The following DLGAP2 variants were observed in gnomAD, a reference collection of about 807,000 sequenced individuals.
DLGAP2 encodes DLG associated protein 2, also known as disks large-associated protein 2.
Under a neutral mutation model 100.3 loss-of-function variants are expected in DLGAP2, and 26 were observed. The ratio of observed to expected loss-of-function variants is 0.26; its 90% CI spans 0.19 to 0.36. DLGAP2 has a LOEUF of 0.36. Ranked by LOEUF, DLGAP2 falls within the 10% of genes least tolerant of loss-of-function variation. The probability of loss-of-function intolerance (pLI) is 1.00; values close to 1 mark genes in which losing one functional copy is unlikely to be tolerated. For missense variants in DLGAP2, 1,858 were observed against 1,453.2 expected, an observed-to-expected ratio of 1.28 and a Z score of -4.53; for synonymous variants, 886 against 630.1, an observed-to-expected ratio of 1.41 and a Z score of -6.08.
chr8:1,707,274 T>G lies in DLGAP2; in HGVS notation c.*5868T>G, dbSNP rs1202035649. ...TGACACCAGGTTTCTTGGACAAATT[T>G]AAGTTCAAATTTATCTCTTTCAAGT... is the stretch of plus-strand genomic sequence containing the variant. On this transcript the variant is annotated 3_prime_UTR_variant, in exon 15 of 15. Coordinates refer to ENST00000637795, the MANE Select transcript of DLGAP2 (RefSeq NM_001346810.2). The G allele has an allele frequency of 6.5e-6, 1 of 152,690 alleles. No individual in the cohort carries two copies. Among genetic ancestry groups the G allele is most frequent in the South Asian group, 2.1e-4 (1 of 4,828 alleles). 9.5% of individuals were successfully genotyped at this position (152,690 alleles called of 1,614,324 possible). A position where few individuals can be genotyped will look rare whatever the true frequency, so the allele number is the denominator to read the frequency against.
intron 4 of DLGAP2, among the ~76,000 whole-genome samples, chr8:1,501,943 A>G (rs1197334511): frequency 6.6e-6 from 1 of 152,132 alleles, no homozygotes; most frequent in African/African-American, 2.4e-5. Flanking sequence ...TGGAAATTTC[A>G]TTTCTGAGCT....
intron 1 of DLGAP2, among the ~76,000 whole-genome samples, chr8:899,019 G>A (rs565649002): frequency 2.0e-5 from 3 of 152,198 alleles, no homozygotes; most frequent in Admixed American, 1.3e-4. Flanking sequence ...CCCCCCAGGC[G>A]GTTCTGACGC....
intron 1 of DLGAP2, among the ~76,000 whole-genome samples, chr8:771,560 C>T (rs979794139): frequency 1.3e-5 from 2 of 152,192 alleles, no homozygotes; most frequent in African/African-American, 2.4e-5. Context: ...GCCAGGGCAA[C>T]TTTCAGTTCC....
At chr8:1,372,802 A>C (rs1563111803) in intron 3 of DLGAP2, among the ~76,000 whole-genome samples, 3 of 152,204 alleles carry the variant, frequency 2.0e-5, no homozygotes. Flanking sequence ...TATTTTCCCA[A>C]GCGAACATGG....
intron 2 of DLGAP2, among the ~76,000 whole-genome samples, chr8:926,423 G>A (rs1037065939): frequency 3.3e-5 from 5 of 152,300 alleles, no homozygotes; most frequent in African/African-American, 1.2e-4. Flanking sequence ...CCTCCAGGTC[G>A]GGGGTCTGTG....
intron 3 of DLGAP2, among the ~76,000 whole-genome samples, chr8:1,329,072 G>T (rs896850174): frequency 1.3e-5 from 2 of 151,300 alleles, no homozygotes; most frequent in Non-Finnish European, 2.9e-5. Context: ...TGCGACAGGC[G>T]ACAGGTGACA....
chr8:1,329,290 C>A (rs574748799), intron 3 of DLGAP2, among the ~76,000 whole-genome samples: 1 of 152,192 alleles, frequency 6.6e-6, no homozygotes, highest in African/African-American at 2.4e-5. Flanking sequence ...AGTAATCGCA[C>A]AAGTGCACCA....
intron 3 of DLGAP2, among the ~76,000 whole-genome samples, chr8:1,417,259 A>G (rs1362600699): frequency 6.8e-6 from 1 of 146,690 alleles, no homozygotes; most frequent in African/African-American, 2.6e-5. Flanking sequence ...ACCGGCATTC[A>G]TTTAGCGTCT....
chr8:1,133,416 AG>A (rs1447890655), intron 2 of DLGAP2, among the ~76,000 whole-genome samples: 1 of 152,196 alleles, frequency 6.6e-6, no homozygotes, highest in African/African-American at 2.4e-5. Context: ...AGGAGTCATG[AG>A]AAATATATAT....
chr8:1,660,671 G>T (rs1798389436), intron 8 of DLGAP2, among the ~76,000 whole-genome samples: 2 of 152,134 alleles, frequency 1.3e-5, no homozygotes, highest in Admixed American at 1.3e-4. Context: ...TTCTCATGGG[G>T]TCATTAACAA....
chr8:888,598 T>G (rs1278756576), intron 1 of DLGAP2, among the ~76,000 whole-genome samples: 1 of 152,006 alleles, frequency 6.6e-6, no homozygotes, highest in South Asian at 2.1e-4. Flanking sequence ...TGTTGTCACT[T>G]TCTGCTTTTT....
chr8:1,668,759 C>A, intron 9 of DLGAP2, 81 bp downstream of exon 9: 2 of 1,275,594 alleles, frequency 1.6e-6, no homozygotes, highest in South Asian at 1.5e-5. Context: ...ACCCAACCAG[C>A]GGCCCTGGGT....
intron 4 of DLGAP2, among the ~76,000 whole-genome samples, chr8:1,539,536 G>C (rs910820389): frequency 5.3e-5 from 8 of 152,236 alleles, no homozygotes; most frequent in Middle Eastern, 3.4e-3. Context: ...GTGGACTGGG[G>C]TGCACTGAGC....
At chr8:1,522,011 CGGG>C (rs1363214500) in intron 4 of DLGAP2, among the ~76,000 whole-genome samples, 7 of 132,064 alleles carry the variant, frequency 5.3e-5, no homozygotes, top group Non-Finnish European at 9.8e-5. Context: ...TTGGAATACT[CGGG>C]GGCAGGTGAT....
chr8:1,417,141 CG>C (rs1796911738), intron 3 of DLGAP2, among the ~76,000 whole-genome samples: 3 of 87,964 alleles, frequency 3.4e-5, no homozygotes, highest in East Asian at 3.8e-4. Context: ...GCGTCTGAGG[CG>C]GGGGAGACTC....
At chr8:812,529 T>C (rs1350581247) in intron 1 of DLGAP2, among the ~76,000 whole-genome samples, 2 of 152,210 alleles carry the variant, frequency 1.3e-5, no homozygotes, top group African/African-American at 4.8e-5. Flanking sequence ...TGGCATTTTG[T>C]GGCAAAGACA....
intron 3 of DLGAP2, among the ~76,000 whole-genome samples, chr8:1,332,586 C>G (rs1801184152): frequency 6.6e-6 from 1 of 152,174 alleles, no homozygotes; most frequent in African/African-American, 2.4e-5. Flanking sequence ...CTGCCCCTGG[C>G]TGTCACACAT....
intron 6 of DLGAP2, among the ~76,000 whole-genome samples, chr8:1,572,350 T>G (rs1802754605): frequency 1.3e-5 from 1 of 78,176 alleles, no homozygotes; most frequent in Non-Finnish European, 2.6e-5. Context: ...TCTTCTGGGA[T>G]GGAGAGGAGA....
intron 3 of DLGAP2, among the ~76,000 whole-genome samples, chr8:1,325,222 C>T (rs947904962): frequency 3.3e-5 from 5 of 152,218 alleles, no homozygotes; most frequent in South Asian, 2.1e-4. Flanking sequence ...TGTTCAATGT[C>T]GCAATGAGAC....
Sources: gnomAD v4.1 joint callset for allele counts (sites outside exome capture counted in the v4.1 genomes callset) on GRCh38, gnomAD v4.1.1 for gene constraint, MANE v1.5 for transcripts, NCBI Gene and HGNC (gene_info 2026-07-23, HGNC 2026-07-21) for gene names.